Variants in GRIK4 observed in about 807,000 individuals in gnomAD.
GRIK4 encodes the protein glutamate ionotropic receptor kainate type subunit 4, also known as glutamate receptor ionotropic, kainate 4.
Under a neutral mutation model 104.9 loss-of-function variants are expected in GRIK4, and 40 were observed. The observed-to-expected ratio is 0.38, with a 90% CI of 0.30 to 0.50. The LOEUF is 0.50. Ranked by LOEUF, GRIK4 falls within the 20% of genes least tolerant of loss-of-function variation. The pLI, the probability that GRIK4 is intolerant of heterozygous loss-of-function variation, is 0.93. For missense variants in GRIK4, 1,047 were observed against 1,308.1 expected, an observed-to-expected ratio of 0.80 and a Z score of 3.08; for synonymous variants, 485 against 524.9, an observed-to-expected ratio of 0.92 and a Z score of 1.04.
chr11:120,669,872 C>T (rs1457485797), intron 3 of GRIK4, among the ~76,000 whole-genome samples: 1 of 152,248 alleles, frequency 6.6e-6, no homozygotes, highest in Admixed American at 6.5e-5. Context: ...TTATGACTCT[C>T]TAATCTCATC....
intron 1 of GRIK4, among the ~76,000 whole-genome samples, chr11:120,646,006 C>T (rs1949538953): frequency 6.6e-6 from 1 of 152,178 alleles, no homozygotes; most frequent in Admixed American, 6.5e-5. Context: ...GCCCCAGATG[C>T]CGTTCCATAG....
chr11:120,573,535 A>G (rs1224622470), intron 1 of GRIK4, among the ~76,000 whole-genome samples: 1 of 152,178 alleles, frequency 6.6e-6, no homozygotes. Flanking sequence ...TTGGAGGTCC[A>G]GCTCAAATTT....
At chr11:120,851,077 C>T (rs1953962567) in intron 8 of GRIK4, among the ~76,000 whole-genome samples, 1 of 152,038 alleles carries the variant, frequency 6.6e-6, no homozygotes, top group African/African-American at 2.4e-5. Flanking sequence ...CCTGTGAATT[C>T]CAAAGCTGGA....
chr11:120,511,883 AC>A lies in GRIK4; in HGVS notation c.-161del. 1 of 281,438 alleles carries A rather than the reference AC, an allele frequency of 3.6e-6. No homozygotes were observed. The highest frequency in any genetic ancestry group is 2.6e-5 in the South Asian group (1 of 38,232). The allele number at this position is 281,438 out of a possible 1,614,324, so 17.4% of individuals were successfully genotyped here. A position where few individuals can be genotyped will look rare whatever the true frequency, so the allele number is the denominator to read the frequency against. On this transcript the variant is annotated 5_prime_UTR_variant, in exon 1 of 21. Transcript: ENST00000527524. ...GCTCAGCCCCCGGAGTGCGGAGCCG[AC>A]CAGGTAAGGGCAGCGGCCCCCCGCG...
chr11:120,809,295 G>A (rs1952778838), intron 4 of GRIK4, among the ~76,000 whole-genome samples: 1 of 152,196 alleles, frequency 6.6e-6, no homozygotes. Flanking sequence ...TATTCCAGCA[G>A]CTGAGCCTTC....
chr11:120,829,226 G>A (rs142782418), intron 6 of GRIK4, among the ~76,000 whole-genome samples: 232 of 152,228 alleles, frequency 1.5e-3, no homozygotes, highest in African/African-American at 4.7e-3. Context: ...CACCAGCTCC[G>A]TGGCCTCCCT....
At chr11:120,873,013 C>T (rs1210062077) in intron 9 of GRIK4, 2 of 152,372 alleles carry the variant, frequency 1.3e-5, no homozygotes, top group African/African-American at 4.8e-5. Context: ...CACGACAGGC[C>T]CCATGACAGA....
chr11:120,852,239 G>A (rs1953990753), intron 8 of GRIK4, among the ~76,000 whole-genome samples: 1 of 152,260 alleles, frequency 6.6e-6, no homozygotes. Context: ...AGCTGCTGCT[G>A]AGGAGGTAAG....
intron 3 of GRIK4, among the ~76,000 whole-genome samples, chr11:120,777,734 C>G (rs748994469): frequency 6.6e-6 from 1 of 152,080 alleles, no homozygotes; most frequent in Admixed American, 6.5e-5. Flanking sequence ...GTCAGAAGTT[C>G]GAGACCAGCC....
At chr11:120,600,100 G>T (rs1336302174) in intron 1 of GRIK4, among the ~76,000 whole-genome samples, 1 of 152,222 alleles carries the variant, frequency 6.6e-6, no homozygotes. Context: ...TCCAGGGAGA[G>T]TAGTGCTGGC....
chr11:120,924,626 G>A (rs1187531928), intron 13 of GRIK4, among the ~76,000 whole-genome samples: 3 of 151,956 alleles, frequency 2.0e-5, no homozygotes, highest in Non-Finnish European at 2.9e-5. Flanking sequence ...CTGCCCAAAG[G>A]TAACCATTAT....
chr11:120,956,882 C>CG lies in GRIK4; in HGVS notation c.1809dup (p.Phe604ValfsTer51). On this transcript the variant is annotated frameshift_variant, in exon 16 of 21. Coordinates refer to ENST00000527524, the MANE Select transcript of GRIK4 (RefSeq NM_014619.5). LOFTEE classifies it high-confidence loss of function. This position sits in a 1 kb window ranked among gnomAD's most constrained non-coding sequence, Gnocchi z 4.6. ...TGGGCAACAGCCTCTGGTTTCCGGTCGGGGGGTTCATGCAGCAAGGCTCCA... is the reference window on the plus strand; with the variant it reads ...TGGGCAACAGCCTCTGGTTTCCGGTCGGGGGGGTTCATGCAGCAAGGCTCCA... 6.2e-7 allele frequency: 1 copy of CG among 1,613,688 alleles called. No homozygotes were observed.
intron 1 of GRIK4, among the ~76,000 whole-genome samples, chr11:120,522,068 A>G (rs1176026128): frequency 6.6e-6 from 1 of 152,206 alleles, no homozygotes; most frequent in Non-Finnish European, 1.5e-5. Context: ...CACAGAGGTT[A>G]TGTAGCTTGC....
At chr11:120,661,010 A>G (rs1270929735) in intron 3 of GRIK4, among the ~76,000 whole-genome samples, 2 of 152,136 alleles carry the variant, frequency 1.3e-5, no homozygotes, top group East Asian at 3.9e-4. Context: ...CCATCCCTGG[A>G]GGGGCGGGTC....
intron 1 of GRIK4, among the ~76,000 whole-genome samples, chr11:120,610,279 T>C (rs976613765): frequency 2.6e-4 from 39 of 152,262 alleles, no homozygotes; most frequent in Non-Finnish European, 4.8e-4. Flanking sequence ...ATGTTAATGA[T>C]GCATTTAGCG....
At chr11:120,834,233 A>T (rs1277527749) in intron 7 of GRIK4, among the ~76,000 whole-genome samples, 2 of 150,798 alleles carry the variant, frequency 1.3e-5, no homozygotes, top group African/African-American at 4.9e-5. Context: ...CCTTGCCAAT[A>T]CTGGGTATGT....
At chr11:120,653,394 G>C (rs1949648660) in intron 1 of GRIK4, among the ~76,000 whole-genome samples, 1 of 152,204 alleles carries the variant, frequency 6.6e-6, no homozygotes. Flanking sequence ...ATCCTGGGCA[G>C]GTAAATGGTT....
At chr11:120,927,306 C>T (rs940142535) in intron 13 of GRIK4, among the ~76,000 whole-genome samples, 1 of 152,160 alleles carries the variant, frequency 6.6e-6, no homozygotes, top group Non-Finnish European at 1.5e-5. Flanking sequence ...GTGGCTTACA[C>T]CTGTAATCCC....
At chr11:120,926,974 C>A (rs1292338822) in intron 13 of GRIK4, among the ~76,000 whole-genome samples, 2 of 152,168 alleles carry the variant, frequency 1.3e-5, no homozygotes, top group Non-Finnish European at 2.9e-5. Context: ...TGGCATGGTG[C>A]TTGAGCTGAG....
Sources: gnomAD v4.1 joint callset for allele counts (sites outside exome capture counted in the v4.1 genomes callset) on GRCh38, gnomAD v4.1.1 for gene constraint, Gnocchi (gnomAD v3.1) non-coding constraint, MANE v1.5 for transcripts, NCBI Gene and HGNC (gene_info 2026-07-23, HGNC 2026-07-21) for gene names.